The following ZNF43 variants were observed in gnomAD, a reference collection of about 807,000 sequenced individuals.
ZNF43 encodes zinc finger protein 43.
ZNF43 carries 44 observed loss-of-function variants against 68.4 expected under a neutral mutation model. The observed-to-expected ratio is 0.64, with a 90% CI of 0.51 to 0.83. The LOEUF (loss-of-function observed/expected upper bound fraction) is 0.83, where lower values mean the gene tolerates loss of function less well. Among genes scored for constraint, ZNF43 ranks in the 40% least tolerant of loss-of-function variants. ZNF43 has a pLI of 0.00. For missense variants in ZNF43, 896 were observed against 933.2 expected (o/e 0.96, Z 0.52); for synonymous variants, 308 against 307.8 (o/e 1.00, Z -0.01).
In ZNF43 at chr19:21,808,356, T is replaced by C; in HGVS notation, c.1681A>G (p.Thr561Ala). 1 of 1,612,940 alleles carries C rather than the reference T, an allele frequency of 6.2e-7. No individual in the cohort carries two copies. Among genetic ancestry groups the C allele is most frequent in the East Asian group, 2.2e-5 (1 of 44,830 alleles). The change falls in exon 4 of 4, where the codon ACT (threonine) becomes GCT (alanine). Residue 561 changes from threonine to alanine, a missense_variant. Thr to Ala is a moderately conservative substitution (Grantham distance 58). Coordinates refer to ENST00000354959, the MANE Select transcript of ZNF43 (RefSeq NM_003423.4). Reference protein sequence around the residue: ...SILTKHKRIHTGEKPYKCEEC... With the variant: ...SILTKHKRIHAGEKPYKCEEC... ...TCACACTTGTAGGGTTTCTCTCCAG[T>C]ATGAATCCTCTTATGTTTGGTAAGG...
intron 3 of ZNF43, among the ~76,000 whole-genome samples, chr19:21,815,447 C>A: frequency 6.9e-6 from 1 of 145,250 alleles, no homozygotes; most frequent in African/African-American, 2.6e-5. Flanking sequence ...CTGCTGTAAT[C>A]CAACTTTAGA....
At chr19:21,846,419 A>C (rs1967959577) in intron 1 of ZNF43, among the ~76,000 whole-genome samples, 1 of 152,234 alleles carries the variant, frequency 6.6e-6, no homozygotes, top group Non-Finnish European at 1.5e-5. Context: ...TTCTGTTAGC[A>C]CAACCCAGGC....
upstream of ZNF43, among the ~76,000 whole-genome samples, chr19:21,836,634 G>A (rs1189590129): frequency 2.0e-5 from 3 of 152,164 alleles, no homozygotes; most frequent in East Asian, 5.8e-4. Flanking sequence ...ACCCAGGCTG[G>A]AGTGCAGGGT....
At chr19:21,847,295 C>G (rs1968020756) in intron 1 of ZNF43, among the ~76,000 whole-genome samples, 1 of 152,094 alleles carries the variant, frequency 6.6e-6, no homozygotes, top group African/African-American at 2.4e-5. Context: ...TTTAGGTGTT[C>G]AGCTGAGCAT....
intron 1 of ZNF43, among the ~76,000 whole-genome samples, chr19:21,820,952 G>A (rs376210883): frequency 2.6e-4 from 39 of 150,178 alleles, no homozygotes; most frequent in African/African-American, 9.3e-4. Context: ...TCCTGCCTCA[G>A]CCTCCTGAGT....
At chr19:21,838,165 G>C (rs182420949), upstream of ZNF43, 2 of 152,262 alleles carry the variant, frequency 1.3e-5, no homozygotes, top group African/African-American at 4.8e-5. Context: ...TGTAAAGAAA[G>C]TATGTAGCTT....
intron 1 of ZNF43, among the ~76,000 whole-genome samples, chr19:21,844,145 G>A (rs1463712334): frequency 6.6e-6 from 1 of 151,850 alleles, no homozygotes; most frequent in African/African-American, 2.4e-5. Context: ...TGGGGCAGGT[G>A]GATCATGAGG....
intron 1 of ZNF43, chr19:21,849,811 A>C (rs1319704373): frequency 1.3e-5 from 2 of 152,206 alleles, no homozygotes; most frequent in African/African-American, 2.4e-5. Flanking sequence ...TCATAACCCT[A>C]AGCCTAGCTA....
chr19:21,836,121 C>CT lies in ZNF43; in HGVS notation c.-84dup. 6.2e-7 allele frequency: 1 copy of CT among 1,608,004 alleles called. No homozygotes were observed. The highest frequency in any genetic ancestry group is 1.7e-5 in the Admixed American group (1 of 59,480). On this transcript the variant is annotated 5_prime_UTR_variant, in exon 1 of 4. Transcript: ENST00000354959. ...TCACAGAGCCACAGAGGCTGGACCT[C>CT]TAGCAGCAGAGGACACAGAAGAACG...
chr19:21,851,949 T>G (rs909071842), exon 1 of ZNF43: 14 of 1,562,418 alleles, frequency 9.0e-6, no homozygotes, highest in Non-Finnish European at 1.0e-5. Context: ...GCTGTGCGTC[T>G]CCCAGGACTT....
At chr19:21,822,449 A>G (rs2037899551) in intron 1 of ZNF43, among the ~76,000 whole-genome samples, 1 of 146,156 alleles carries the variant, frequency 6.8e-6, no homozygotes, top group Non-Finnish European at 1.5e-5. Context: ...GCCTGACCTA[A>G]ATAAGGCCTC....
chr19:21,843,238 G>T, intron 1 of ZNF43: 3 of 304,768 alleles, frequency 9.8e-6, no homozygotes, highest in Non-Finnish European at 1.4e-5. Context: ...TGGGTCCAGC[G>T]ATATGTCACA....
At chr19:21,834,905 T>C (rs16998411) in intron 1 of ZNF43, among the ~76,000 whole-genome samples, 7,335 of 150,456 alleles carry the variant, frequency 0.049, 384 homozygotes, top group African/African-American at 0.13. Flanking sequence ...TAAAATATCT[T>C]TATCTAAAAC....
intron 1 of ZNF43, among the ~76,000 whole-genome samples, chr19:21,844,749 T>C (rs1195523633): frequency 6.7e-6 from 1 of 150,296 alleles, no homozygotes; most frequent in Non-Finnish European, 1.5e-5. Context: ...TACAAAAAAC[T>C]AGCCAGGCAT....
intron 1 of ZNF43, among the ~76,000 whole-genome samples, chr19:21,846,190 A>T (rs895441588): frequency 2.0e-5 from 3 of 152,164 alleles, no homozygotes; most frequent in African/African-American, 7.2e-5. Flanking sequence ...CACAATCACT[A>T]CAGTGGGCAG....
rs147466862 is a variant in ZNF43 at position 21,810,067 on chromosome 19, A to G, written c.230-260T>C. Among the ~76,000 whole-genome samples, 290 of 152,302 alleles carry G rather than the reference A, an allele frequency of 1.9e-3. 1 individual carries two copies. Among genetic ancestry groups the G allele is most frequent in the Middle Eastern group, 0.014 (4 of 294 alleles). On this transcript the variant is annotated intron_variant, in intron 3 of 3. Coordinates refer to ENST00000354959, the MANE Select transcript of ZNF43 (RefSeq NM_003423.4). ...TAGAAGGAAAATATAAATTGGTTAC[A>G]TTTACCCAACACAGCTTTTTCTGCT... is the stretch of plus-strand genomic sequence containing the variant.
chr19:21,830,352 T>G (rs1448985408), intron 1 of ZNF43, among the ~76,000 whole-genome samples: 1 of 144,706 alleles, frequency 6.9e-6, no homozygotes, highest in Non-Finnish European at 1.5e-5. Context: ...TTTGAAAGAA[T>G]TAATAAGATA....
At chr19:21,835,542 T>C (rs948024974) in intron 1 of ZNF43, among the ~76,000 whole-genome samples, 3 of 151,498 alleles carry the variant, frequency 2.0e-5, no homozygotes, top group Non-Finnish European at 4.4e-5. Flanking sequence ...ATTTTTAGTA[T>C]AGACGGGGTT....
intron 1 of ZNF43, among the ~76,000 whole-genome samples, chr19:21,845,694 G>A (rs1967900574): frequency 6.6e-6 from 1 of 152,070 alleles, no homozygotes; most frequent in East Asian, 1.9e-4. Context: ...GGGAGTTTGT[G>A]ACCAGCCTGC....
Sources: gnomAD v4.1 joint callset for allele counts (sites outside exome capture counted in the v4.1 genomes callset) on GRCh38, gnomAD v4.1.1 for gene constraint, MANE v1.5 for transcripts, NCBI Gene and HGNC (gene_info 2026-07-23, HGNC 2026-07-21) for gene names.